NYNRIN: variants seen among roughly 807,000 people sequenced by gnomAD.
The protein encoded by NYNRIN is protein NYNRIN.
In NYNRIN, 86 loss-of-function variants were observed where a neutral mutation model predicts 146.6. That is an observed-to-expected ratio of 0.59 (90% CI 0.49 to 0.70). NYNRIN has a LOEUF of 0.70. NYNRIN is among the 30% of genes least tolerant of loss of function. The pLI is 0.00. For synonymous variants in NYNRIN, 1,027 were observed against 1,001.3 expected (o/e 1.03, Z -0.48); for missense variants, 2,191 against 2,377.7 (o/e 0.92, Z 1.63).
chr14:24,403,117 C>G (rs1483586106), intron 2 of NYNRIN, among the ~76,000 whole-genome samples: 1 of 152,222 alleles, frequency 6.6e-6, no homozygotes, highest in Admixed American at 6.5e-5. Context: ...GCTAAATCTA[C>G]GTTTAGCATT....
chr14:24,409,484 C>T lies in NYNRIN; in HGVS notation c.1690C>T (p.Pro564Ser). 6.2e-7 allele frequency: 1 copy of T among 1,613,906 alleles called. No individual in the cohort carries two copies. Among genetic ancestry groups the T allele is most frequent in the Non-Finnish European group, 8.5e-7 (1 of 1,179,862 alleles). The change falls in exon 4 of 9, where the codon CCA becomes TCA. Residue 564 changes from proline (P) to serine (S), a missense_variant. By Grantham distance (74) the Pro-to-Ser change is moderately conservative. Transcript: ENST00000382554. ...TGAAAATCCCTCCAGAACTCAAGTG[C>T]CATCTGCAGCTCCCAAACTGCCTAC... ...KAENPSRTQV[P>S]SAAPKLPTSR...
In NYNRIN at chr14:24,413,304, C is replaced by T. The variant is rs1407506823; in HGVS notation, c.2745-12C>T. 3.1e-6 allele frequency: 5 copies of T among 1,608,702 alleles called. No individual in the cohort carries two copies. In the South Asian group the frequency reaches 4.4e-5, roughly 14 times the overall value. Reference sequence around the variant, plus strand: ...CTCACAGTGACTGTGCCTCTTCTCCCCCTGGGCCCAGCTTGCTGCCTTTCA... The same window carrying T: ...CTCACAGTGACTGTGCCTCTTCTCCTCCTGGGCCCAGCTTGCTGCCTTTCA... On this transcript the variant is annotated splice_polypyrimidine_tract_variant and intron_variant, in intron 7 of 8. Transcript: ENST00000382554.
rs761045897 is a variant in NYNRIN, at chr14:24,416,241, G to C, written c.4492G>C (p.Gly1498Arg). 1 of 1,613,958 alleles carries C rather than the reference G, an allele frequency of 6.2e-7. No homozygotes were observed. The highest frequency in any genetic ancestry group is 8.5e-7 in the Non-Finnish European group (1 of 1,179,876). The change falls in exon 9 of 9, where the codon GGG (glycine) becomes CGG (arginine). Residue 1498 changes from glycine to arginine, a missense_variant. Physicochemically the swap from Gly to Arg is moderately radical, Grantham distance 125 (BLOSUM62 -2). Transcript: ENST00000382554. ...CGACATCATTGCCAGGCTGCAGGCT[G>C]GGCAGAAACTGTCTGGCTCCTCACC... ...LADIIARLQA[G>R]QKLSGSSPFS...
intron 8 of NYNRIN, among the ~76,000 whole-genome samples, chr14:24,413,690 G>A (rs929824394): frequency 6.6e-6 from 1 of 152,134 alleles, no homozygotes; most frequent in African/African-American, 2.4e-5. Context: ...AGTTTTTTCA[G>A]ATGTATCCTA....
At chr14:24,407,827 C>A (rs1348601694) in intron 2 of NYNRIN, 42 bp from the exon 3 acceptor site, 1 of 1,537,338 alleles carries the variant, frequency 6.5e-7, no homozygotes, top group Admixed American at 2.0e-5. Context: ...GGGGCAGGCC[C>A]CCAACGGGCT....
rs113526462 is a variant in NYNRIN at position 24,403,160 on chromosome 14, C to T, written c.198+3716C>T. On this transcript the variant is annotated intron_variant, in intron 2 of 8. Coordinates refer to ENST00000382554, the MANE Select transcript of NYNRIN (RefSeq NM_025081.3). The stretch of plus-strand genomic sequence containing the variant: ...TATGCCTTGCACATAGCGTTCACAT[C>T]GAAGCACTGAAGTGTACTATGATTT... 5.5e-3 allele frequency among the ~76,000 whole-genome samples: 844 copies of T among 152,302 alleles called. 12 individuals carry two copies. Among genetic ancestry groups the T allele is most frequent in the African/African-American group, 0.019 (798 of 41,562 alleles).
Position 24,417,768 on chromosome 14 carries a change from A to C in NYNRIN, c.*322A>C. On this transcript the variant is annotated 3_prime_UTR_variant, in exon 9 of 9. Coordinates refer to ENST00000382554, the MANE Select transcript of NYNRIN (RefSeq NM_025081.3). ...CCCAAGTATCCTCTTTCCCCTTCACATGTAGGTGTGTGGTGGTGTGCACAC... is the reference window on the plus strand; with the variant it reads ...CCCAAGTATCCTCTTTCCCCTTCACCTGTAGGTGTGTGGTGGTGTGCACAC... The C allele has an allele frequency of 1.5e-5, 4 of 273,524 alleles. No individual in the cohort carries two copies. Among genetic ancestry groups the C allele is most frequent in the Non-Finnish European group, 2.1e-5 (3 of 145,510 alleles). 16.9% of individuals were successfully genotyped at this position (273,524 alleles called of 1,614,324 possible).
Position 24,414,854 on chromosome 14 carries a change from G to A in NYNRIN, c.3105G>A (p.Ser1035=), listed in dbSNP as rs776758368. Residue 1035 remains serine, a synonymous_variant, in exon 9 of 9, where the codon TCG becomes TCA. Transcript: ENST00000382554. The part of the protein sequence containing the change: ...SVFRVECPSL[S]EEILRCLSLH... ...TCAGGGTGGAGTGCCCGTCCCTTTC[G>A]GAGGAGATCCTGCGGTGCCTCAGCC... The A allele has an allele frequency of 1.6e-5, 25 of 1,611,772 alleles. No individual in the cohort carries two copies. The highest frequency in any genetic ancestry group is 6.6e-5 in the South Asian group (6 of 90,994).
Position 24,408,915 on chromosome 14 carries a change from T to A in NYNRIN, c.1121T>A (p.Leu374Gln). The change falls in exon 4 of 9, where the codon CTG (leucine) becomes CAG (glutamine). Residue 374 changes from leucine (L) to glutamine (Q), a missense_variant. Leu to Gln is a moderately radical substitution (Grantham distance 113). Coordinates refer to ENST00000382554, the MANE Select transcript of NYNRIN (RefSeq NM_025081.3). Reference sequence around the variant, plus strand: ...GCAACCTTCTGGAGGATCAATGAGCTGCATTCTCTACATCTGGCCTGGCTC... The same window carrying A: ...GCAACCTTCTGGAGGATCAATGAGCAGCATTCTCTACATCTGGCCTGGCTC... The part of the protein sequence containing the change: ...IAATFWRINE[L>Q]HSLHLAWLLS... The A allele has an allele frequency of 1.2e-6, 2 of 1,614,052 alleles. No homozygotes were observed. Among genetic ancestry groups the A allele is most frequent in the Non-Finnish European group, 1.7e-6 (2 of 1,179,900 alleles).
At position 24,413,253 on chromosome 14, in the gene NYNRIN, A is replaced by G. The variant is rs1052877059; in HGVS notation, c.2745-63A>G. On this transcript the variant is annotated intron_variant, in intron 7 of 8. Coordinates refer to ENST00000382554, the MANE Select transcript of NYNRIN (RefSeq NM_025081.3). ...CTCAGCGCCATGGAGAAGCCAGGCG[A>G]CAACAGGGTGTGGGTGGGTCAAGGG... 2.7e-5 allele frequency: 40 copies of G among 1,508,686 alleles called. No homozygotes were observed. In the South Asian group the frequency reaches 4.5e-4, roughly 17 times the overall value. The allele number at this position is 1,508,686 out of a possible 1,614,324, so 93.5% of individuals were successfully genotyped here. A position where few individuals can be genotyped will look rare whatever the true frequency, so the allele number is the denominator to read the frequency against.
intron 2 of NYNRIN, among the ~76,000 whole-genome samples, chr14:24,404,364 C>A (rs981572876): frequency 1.3e-5 from 2 of 152,136 alleles, no homozygotes; most frequent in Non-Finnish European, 2.9e-5. Context: ...TAGTATCCTA[C>A]GCTTTTTAAA....
At chr14:24,401,709 A>G (rs1313820394) in intron 2 of NYNRIN, among the ~76,000 whole-genome samples, 1 of 152,204 alleles carries the variant, frequency 6.6e-6, no homozygotes, top group Admixed American at 6.5e-5. Flanking sequence ...CTGTTATAAA[A>G]TGTGGAGAGC....
At position 24,409,604 on chromosome 14, in the gene NYNRIN, C is replaced by G; in HGVS notation, c.1810C>G (p.Gln604Glu). 6.2e-7 allele frequency: 1 copy of G among 1,609,170 alleles called. No homozygotes were observed. The highest frequency in any genetic ancestry group is 8.5e-7 in the Non-Finnish European group (1 of 1,177,692). ...AACAGCTCAACTGATGGCCACAGCT[C>G]AAAAAACAGTTGTGAATCAACCAGT... The part of the protein sequence containing the change: ...KPTAQLMATA[Q>E]KTVVNQPVLV... The change falls in exon 4 of 9, where the codon CAA becomes GAA. Residue 604 changes from glutamine to glutamate, a missense_variant. Around this residue, in one of 3 missense-constraint regions of NYNRIN, gnomAD observed 895 missense variants for 941.2 expected, o/e 0.95. Coordinates refer to ENST00000382554, the MANE Select transcript of NYNRIN (RefSeq NM_025081.3).
intron 8 of NYNRIN, among the ~76,000 whole-genome samples, chr14:24,414,148 C>G (rs1392111094): frequency 3.3e-5 from 5 of 152,218 alleles, no homozygotes; most frequent in Admixed American, 2.6e-4. Flanking sequence ...CCAGATCCCC[C>G]AGTCTTACCT....
At position 24,411,827 on chromosome 14, in the gene NYNRIN, C is replaced by T. The variant is rs978256948; in HGVS notation, c.2642+377C>T. 3.9e-5 allele frequency among the ~76,000 whole-genome samples: 6 copies of T among 152,166 alleles called. No homozygotes were observed. The highest frequency in any genetic ancestry group is 1.2e-4 in the African/African-American group (5 of 41,424). ...TTAGTCTTTTCCTCCCTCGGAGCCC[C>T]GGCACTGGTGGAGGTCTGTGCATGG... On this transcript the variant is annotated intron_variant, in intron 6 of 8. Coordinates refer to ENST00000382554, the MANE Select transcript of NYNRIN (RefSeq NM_025081.3). This position sits in a 1 kb window ranked among gnomAD's most constrained non-coding sequence, Gnocchi z 4.3.
intron 2 of NYNRIN, among the ~76,000 whole-genome samples, chr14:24,403,768 C>G (rs1164314056): frequency 6.6e-6 from 1 of 152,238 alleles, no homozygotes; most frequent in Non-Finnish European, 1.5e-5. Context: ...GAAAACTGCT[C>G]TCCAGTGGCT....
At position 24,411,277 on chromosome 14, in the gene NYNRIN, A is replaced by G; in HGVS notation, c.2545+71A>G. 6.2e-7 allele frequency: 1 copy of G among 1,612,138 alleles called. No homozygotes were observed. The highest frequency in any genetic ancestry group is 8.5e-7 in the Non-Finnish European group (1 of 1,178,852). On this transcript the variant is annotated intron_variant, in intron 5 of 8. Transcript: ENST00000382554. This position sits in a 1 kb window ranked among gnomAD's most constrained non-coding sequence, Gnocchi z 4.3. ...TTCTTCTCTCTGCCTTGCTGCCCCG[A>G]CCCTCTGCCACCCCAGAGTGGCCAT...
intron 8 of NYNRIN, among the ~76,000 whole-genome samples, chr14:24,414,228 C>T (rs1384824236): frequency 1.3e-5 from 2 of 152,252 alleles, no homozygotes. Flanking sequence ...TTGTCAGGCT[C>T]TCCTTCACTT....
Position 24,417,429 on chromosome 14 carries a change from A to C in NYNRIN, c.5680A>C (p.Lys1894Gln). ...FAKSGTPLSF[K>Q]VLEQ ...CAAGAGTGGCACCCCGCTGTCCTTC[A>C]AGGTCTTGGAGCAGTGAGCGGGAGC... The change falls in exon 9 of 9, where the codon AAG becomes CAG. Residue 1894 changes from lysine to glutamine, a missense_variant. Lys to Gln is a moderately conservative substitution (Grantham distance 53). Transcript: ENST00000382554. 1 of 1,509,966 alleles carries C rather than the reference A, an allele frequency of 6.6e-7. No homozygotes were observed. The highest frequency in any genetic ancestry group is 2.4e-5 in the East Asian group (1 of 41,482). The allele number at this position is 1,509,966 out of a possible 1,614,324, so 93.5% of individuals were successfully genotyped here. A position where few individuals can be genotyped will look rare whatever the true frequency, so the allele number is the denominator to read the frequency against.
Sources: gnomAD v4.1 joint callset for allele counts (sites outside exome capture counted in the v4.1 genomes callset) on GRCh38, gnomAD v4.1.1 for gene constraint, gnomAD v4.1.1 regional missense constraint, Gnocchi (gnomAD v3.1) non-coding constraint, MANE v1.5 for transcripts, NCBI Gene and HGNC (gene_info 2026-07-23, HGNC 2026-07-21) for gene names.